The following AGAP1 variants were observed in gnomAD, a reference collection of about 807,000 sequenced individuals.
The protein encoded by AGAP1 is ArfGAP with GTPase domain, ankyrin repeat and PH domain 1.
In AGAP1, 29 loss-of-function variants were observed where a neutral mutation model predicts 105.3. That is an observed-to-expected ratio of 0.28 (90% CI 0.21 to 0.38). The LOEUF is 0.38. Ranked by LOEUF, AGAP1 falls within the 10% of genes least tolerant of loss-of-function variation. The pLI, the probability that AGAP1 is intolerant of heterozygous loss-of-function variation, is 1.00. For synonymous variants in AGAP1, 509 were observed against 485.9 expected (o/e 1.05, Z -0.63); for missense variants, 998 against 1,165.1 (o/e 0.86, Z 2.09).
At position 235,663,523 on chromosome 2, in the gene AGAP1, G is replaced by A. The variant is rs1036497370; in HGVS notation, c.164-45656G>A. On this transcript the variant is annotated intron_variant, in intron 1 of 17. Coordinates refer to ENST00000304032, the MANE Select transcript of AGAP1 (RefSeq NM_001037131.3). The surrounding 1 kb of genome is among the most constrained non-coding windows in gnomAD (Gnocchi z 5.4). ...AATGGGATGCAGAAGGGAGAACTGT[G>A]TAAAATCACGCTCTTCCAGAAGCTG... Among the ~76,000 whole-genome samples the A allele has an allele frequency of 3.3e-5, 5 of 152,148 alleles. No individual in the cohort carries two copies. The highest frequency in any genetic ancestry group is 1.2e-4 in the African/African-American group (5 of 41,442).
chr2:235,845,119 C>A lies in AGAP1; in HGVS notation c.1050+37788C>A, dbSNP rs1010533829. Among the ~76,000 whole-genome samples, 1 of 152,146 alleles carries A rather than the reference C, an allele frequency of 6.6e-6. No individual in the cohort carries two copies. Among genetic ancestry groups the A allele is most frequent in the Non-Finnish European group, 1.5e-5 (1 of 68,038 alleles). On this transcript the variant is annotated intron_variant, in intron 9 of 17. Coordinates refer to ENST00000304032, the MANE Select transcript of AGAP1 (RefSeq NM_001037131.3). This position sits in a 1 kb window ranked among gnomAD's most constrained non-coding sequence, Gnocchi z 4.8. ...CAAGTCCTGTGTCATCCTGTTTAGC[C>A]GTTCGCTCAAACAGAGAACTGTAGA...
At chr2:235,652,401 A>G (rs923752873) in intron 1 of AGAP1, among the ~76,000 whole-genome samples, 14 of 151,984 alleles carry the variant, frequency 9.2e-5, no homozygotes, top group African/African-American at 2.9e-4. Context: ...TACTCCTTAG[A>G]GGCCCATCAG....
intron 7 of AGAP1, 67 bp downstream of exon 7, chr2:235,797,953 C>G (rs1957318751): frequency 6.4e-7 from 1 of 1,558,836 alleles, no homozygotes; most frequent in African/African-American, 1.4e-5. Context: ...GTGTTCCCAG[C>G]CAATGCTAAG....
chr2:235,956,612 T>A (rs1352183066), intron 12 of AGAP1, among the ~76,000 whole-genome samples: 10 of 151,138 alleles, frequency 6.6e-5, no homozygotes, highest in African/African-American at 2.4e-4. Flanking sequence ...AGCAGAGGAG[T>A]ATGACCTGGG....
At chr2:235,869,831 G>T (rs964322264) in intron 9 of AGAP1, among the ~76,000 whole-genome samples, 2 of 152,244 alleles carry the variant, frequency 1.3e-5, no homozygotes, top group Admixed American at 6.5e-5. Context: ...TGAGACCTCA[G>T]TTCTTCCTCA....
chr2:235,892,718 CTG>C (rs2050603384), intron 10 of AGAP1, among the ~76,000 whole-genome samples: 1 of 152,204 alleles, frequency 6.6e-6, no homozygotes, highest in Non-Finnish European at 1.5e-5. Flanking sequence ...CACGAAGAAT[CTG>C]TGATCCATCT....
chr2:235,592,539 T>TA, intron 1 of AGAP1, among the ~76,000 whole-genome samples: 1 of 152,152 alleles, frequency 6.6e-6, no homozygotes, highest in South Asian at 2.1e-4. Flanking sequence ...GCATGAGCTC[T>TA]TGGAGGTTCT....
rs2058221071 is a variant in AGAP1, at chr2:236,062,306, C to G, written c.2114+13025C>G. On this transcript the variant is annotated intron_variant, in intron 16 of 17. Transcript: ENST00000304032. The surrounding 1 kb of genome is among the most constrained non-coding windows in gnomAD (Gnocchi z 4.2). ...AACTCAGGCCTGTGTCTCCCTGAGC[C>G]TGTGAATGCAGGACGGGCCAGAACC... Among the ~76,000 whole-genome samples the G allele has an allele frequency of 6.6e-6, 1 of 152,070 alleles. No homozygotes were observed. Among genetic ancestry groups the G allele is most frequent in the South Asian group, 2.1e-4 (1 of 4,810 alleles).
chr2:235,762,688 C>T (rs573534671), intron 6 of AGAP1, among the ~76,000 whole-genome samples: 2 of 152,076 alleles, frequency 1.3e-5, no homozygotes, highest in South Asian at 2.1e-4. Context: ...GCCAACATGG[C>T]GAAACCCTGT....
chr2:236,040,222 G>C lies in AGAP1; in HGVS notation c.1801-529G>C, dbSNP rs371649969. ...TGTTTCTCCCTGCCCCCACCCTGGCGAGTGGCTTTGTCACTGTGGCAACCG... is the reference window on the plus strand; with the variant it reads ...TGTTTCTCCCTGCCCCCACCCTGGCCAGTGGCTTTGTCACTGTGGCAACCG... On this transcript the variant is annotated intron_variant, in intron 14 of 17. Transcript: ENST00000304032. This position sits in a 1 kb window ranked among gnomAD's most constrained non-coding sequence, Gnocchi z 5.6. 6.6e-6 allele frequency among the ~76,000 whole-genome samples: 1 copy of C among 152,156 alleles called. No individual in the cohort carries two copies. The highest frequency in any genetic ancestry group is 1.5e-5 in the Non-Finnish European group (1 of 68,030).
intron 1 of AGAP1, among the ~76,000 whole-genome samples, chr2:235,613,537 T>G (rs535603437): frequency 1.6e-4 from 24 of 152,280 alleles, no homozygotes; most frequent in African/African-American, 5.8e-4. Context: ...TCATTCTCCT[T>G]AAGGAGATAG....
At chr2:235,999,701 A>AG (rs2056028298) in intron 13 of AGAP1, among the ~76,000 whole-genome samples, 1 of 103,030 alleles carries the variant, frequency 9.7e-6, no homozygotes, top group Non-Finnish European at 2.1e-5. Flanking sequence ...TGGTGATGAT[A>AG]GTGGTAATGG....
At chr2:235,530,836 C>G (rs1943019696) in intron 1 of AGAP1, among the ~76,000 whole-genome samples, 1 of 152,146 alleles carries the variant, frequency 6.6e-6, no homozygotes, top group Non-Finnish European at 1.5e-5. Flanking sequence ...AGGACTTGGG[C>G]ATCTTTGGGG....
In AGAP1 at chr2:235,728,326, T is replaced by TGTGTGTGTGTGTGTGTGTGTGCGCGCGC. The variant is rs986896995; in HGVS notation, c.310+10683_310+10684insTGTGTGTGTGTGTGTGTGTGCGCGCGCG. 1.1e-4 allele frequency among the ~76,000 whole-genome samples: 17 copies of TGTGTGTGTGTGTGTGTGTGTGCGCGCGC among 151,742 alleles called. No homozygotes were observed. The highest frequency in any genetic ancestry group is 4.1e-4 in the African/African-American group (17 of 41,204). ...CTGTGTGTGTGTGTGTGTGTGTGTGTGCGTGCTCTTAAATCAATGTAAATT... is the reference window on the plus strand; with the variant it reads ...CTGTGTGTGTGTGTGTGTGTGTGTGTGTGTGTGTGTGTGTGTGTGTGCGCGCGCGCGTGCTCTTAAATCAATGTAAATT... On this transcript the variant is annotated intron_variant, in intron 3 of 17. Transcript: ENST00000304032. The surrounding 1 kb of genome is among the most constrained non-coding windows in gnomAD (Gnocchi z 4.3).
chr2:235,773,286 C>G (rs1029561844), intron 6 of AGAP1, among the ~76,000 whole-genome samples: 12 of 152,106 alleles, frequency 7.9e-5, no homozygotes, highest in Non-Finnish European at 1.3e-4. Context: ...CAGAAAGCAA[C>G]CAATCCAAGG....
chr2:235,760,876 C>T (rs1286334689), intron 6 of AGAP1, among the ~76,000 whole-genome samples: 1 of 152,212 alleles, frequency 6.6e-6, no homozygotes, highest in African/African-American at 2.4e-5. Flanking sequence ...AGGCGTTAGC[C>T]ACCACTCCCA....
At chr2:235,579,693 G>A (rs6721322) in intron 1 of AGAP1, among the ~76,000 whole-genome samples, 58,977 of 151,570 alleles carry the variant, frequency 0.39, 11,801 homozygotes, top group Middle Eastern at 0.55. Context: ...GGAGAATGGC[G>A]TGAACCCAGG....
intron 1 of AGAP1, among the ~76,000 whole-genome samples, chr2:235,672,220 G>A (rs1948473858): frequency 1.3e-5 from 2 of 152,078 alleles, no homozygotes; most frequent in Admixed American, 1.3e-4. Flanking sequence ...CTGCCCCTAG[G>A]GTTTATGTTA....
chr2:235,759,137 G>A (rs945320153), intron 6 of AGAP1, among the ~76,000 whole-genome samples: 3 of 145,666 alleles, frequency 2.1e-5, no homozygotes, highest in Non-Finnish European at 4.5e-5. Context: ...TTCTGGTGTC[G>A]TTAGCCCTAG....
Sources: allele counts gnomAD v4.1 joint callset (sites outside exome capture counted in the v4.1 genomes callset), GRCh38; gene constraint gnomAD v4.1.1; non-coding constraint Gnocchi (gnomAD v3.1); transcripts MANE v1.5; gene names NCBI Gene and HGNC (gene_info 2026-07-23, HGNC 2026-07-21).